Variants in ZNF423 observed in about 807,000 individuals in gnomAD.
ZNF423 encodes zinc finger protein 423.
In ZNF423, 12 loss-of-function variants were observed where a neutral mutation model predicts 95.8. That is an observed-to-expected ratio of 0.13 (90% confidence interval 0.08 to 0.20). The LOEUF is 0.20. Among genes scored for constraint, ZNF423 ranks in the 10% least tolerant of loss-of-function variants. The pLI is 1.00. For synonymous variants in ZNF423, 749 were observed against 711.9 expected (o/e 1.05, Z -0.83); for missense variants, 1,316 against 1,737.1 (o/e 0.76, Z 4.31).
intron 5 of ZNF423, among the ~76,000 whole-genome samples, chr16:49,568,590 G>C (rs1451809857): frequency 6.6e-6 from 1 of 152,084 alleles, no homozygotes; most frequent in Non-Finnish European, 1.5e-5. Context: ...CCCTCTGTCT[G>C]TCTCCCTTCC....
At chr16:49,521,193 T>G (rs544438763) in intron 7 of ZNF423, among the ~76,000 whole-genome samples, 1 of 152,320 alleles carries the variant, frequency 6.6e-6, no homozygotes, top group African/African-American at 2.4e-5. Flanking sequence ...ATGGGAAACC[T>G]TCTCTGGGAA....
At chr16:49,710,580 G>T in intron 3 of ZNF423, among the ~76,000 whole-genome samples, 1 of 152,120 alleles carries the variant, frequency 6.6e-6, no homozygotes, top group South Asian at 2.1e-4. Flanking sequence ...CTCCATCCCC[G>T]GCATCCTGGT....
chr16:49,577,202 G>A (rs887178876), intron 5 of ZNF423, among the ~76,000 whole-genome samples: 3 of 152,214 alleles, frequency 2.0e-5, no homozygotes, highest in African/African-American at 7.2e-5. Context: ...GAATGGGAAA[G>A]AGTTGTAGGA....
chr16:49,829,205 T>A (rs1160630747), intron 1 of ZNF423, among the ~76,000 whole-genome samples: 1 of 152,240 alleles, frequency 6.6e-6, no homozygotes, highest in Non-Finnish European at 1.5e-5. Flanking sequence ...CTCTGTGTTG[T>A]GTAGAATGAC....
intron 1 of ZNF423, among the ~76,000 whole-genome samples, chr16:49,815,908 A>AT (rs1567356461): frequency 4.8e-5 from 2 of 41,272 alleles, no homozygotes; most frequent in African/African-American, 2.0e-4. Flanking sequence ...ATATATATAT[A>AT]TATATATTTT....
intron 5 of ZNF423, among the ~76,000 whole-genome samples, chr16:49,582,035 T>G (rs1237038283): frequency 2.6e-5 from 4 of 152,212 alleles, no homozygotes; most frequent in African/African-American, 4.8e-5. Context: ...AAATATCTGG[T>G]TAGTTGCACC....
chr16:49,846,103 A>C (rs1597060123), intron 1 of ZNF423, among the ~76,000 whole-genome samples: 1 of 151,900 alleles, frequency 6.6e-6, no homozygotes, highest in African/African-American at 2.4e-5. Context: ...GGAGTTCGAG[A>C]CCAGCCTGGC....
Position 49,638,323 on chromosome 16 carries a change from C to T in ZNF423, c.853G>A (p.Glu285Lys), listed in dbSNP as rs1313395769. 5 of 1,614,080 alleles carry T rather than the reference C, an allele frequency of 3.1e-6. No homozygotes were observed. The highest frequency in any genetic ancestry group is 4.2e-6 in the Non-Finnish European group (5 of 1,180,048). ...CGGGTGAGCACGTGCTTCTCCAGCT[C>T]CTCCGTCTGGCTGAAGGTGTCCTCG... ...YCEDTFSQTE[E>K]LEKHVLTRHP... The change falls in exon 4 of 8, where the codon GAG (glutamate) becomes AAG (lysine). Residue 285 changes from glutamate (E) to lysine (K), a missense_variant. Physicochemically the swap from Glu to Lys is moderately conservative, Grantham distance 56 (BLOSUM62 1). This residue lies in a region of ZNF423 where 399 missense variants were observed against 478.5 expected (regional missense o/e 0.83). Transcript: ENST00000563137. The surrounding 1 kb of genome is among the most constrained non-coding windows in gnomAD (Gnocchi z 5.6).
At chr16:49,851,048 A>G (rs557197378) in intron 1 of ZNF423, among the ~76,000 whole-genome samples, 4 of 152,332 alleles carry the variant, frequency 2.6e-5, no homozygotes, top group African/African-American at 9.6e-5. Context: ...TTGGTACCCT[A>G]CAGACCACCT....
intron 1 of ZNF423, among the ~76,000 whole-genome samples, chr16:49,795,748 C>T (rs965141316): frequency 2.0e-5 from 3 of 152,194 alleles, no homozygotes; most frequent in African/African-American, 7.2e-5. Context: ...TGGGATAATC[C>T]CCCCAAGCTG....
intron 1 of ZNF423, among the ~76,000 whole-genome samples, chr16:49,791,803 G>GCCA (rs1209882107): frequency 6.6e-6 from 1 of 151,850 alleles, no homozygotes; most frequent in Non-Finnish European, 1.5e-5. Flanking sequence ...GGAGTTCGAG[G>GCCA]CCAGCTTGGC....
intron 3 of ZNF423, among the ~76,000 whole-genome samples, chr16:49,685,662 C>T (rs188564645): frequency 3.9e-4 from 60 of 152,294 alleles, no homozygotes; most frequent in African/African-American, 1.3e-3. Context: ...GTCCCTAGGA[C>T]GGCTCTCGCA....
intron 5 of ZNF423, among the ~76,000 whole-genome samples, chr16:49,558,950 G>C (rs946337655): frequency 1.3e-5 from 2 of 152,174 alleles, no homozygotes; most frequent in African/African-American, 4.8e-5. Flanking sequence ...TCAGTAAGGG[G>C]GTCTCAGAGG....
chr16:49,666,440 C>G (rs1320877689), intron 3 of ZNF423, among the ~76,000 whole-genome samples: 1 of 152,198 alleles, frequency 6.6e-6, no homozygotes, highest in Non-Finnish European at 1.5e-5. Flanking sequence ...CACATGATCA[C>G]GTATTAAACC....
chr16:49,758,549 C>A (rs1340065254), intron 2 of ZNF423, among the ~76,000 whole-genome samples: 2 of 152,068 alleles, frequency 1.3e-5, no homozygotes, highest in East Asian at 3.9e-4. Context: ...CAAGACCAAC[C>A]TGAACCACAT....
intron 3 of ZNF423, among the ~76,000 whole-genome samples, chr16:49,677,292 A>AGAAGAGAAGAGAAGGGAAGGGAAGG (rs2031125603): frequency 2.5e-5 from 2 of 81,054 alleles, no homozygotes; most frequent in Non-Finnish European, 2.5e-5. Context: ...AGAAGAGAAG[A>AGAAGAGAAGAGAAGGGAAGGGAAGG]GAAGAGAAGA....
intron 3 of ZNF423, among the ~76,000 whole-genome samples, chr16:49,691,544 A>G (rs1396171038): frequency 6.6e-6 from 1 of 152,108 alleles, no homozygotes; most frequent in Non-Finnish European, 1.5e-5. Flanking sequence ...CATCCTGGGT[A>G]ACATGGTGAA....
At chr16:49,796,997 C>G (rs1342793022) in intron 1 of ZNF423, among the ~76,000 whole-genome samples, 1 of 152,146 alleles carries the variant, frequency 6.6e-6, no homozygotes, top group Non-Finnish European at 1.5e-5. Context: ...CCCGTCCCAC[C>G]CTTACAACAT....
intron 5 of ZNF423, among the ~76,000 whole-genome samples, chr16:49,565,775 C>A (rs1970167421): frequency 6.6e-6 from 1 of 152,072 alleles, no homozygotes; most frequent in African/African-American, 2.4e-5. Flanking sequence ...ACAGCCAGTA[C>A]CCTTCAGGCA....
Sources: allele counts gnomAD v4.1 joint callset (sites outside exome capture counted in the v4.1 genomes callset), GRCh38; gene constraint gnomAD v4.1.1; regional missense constraint gnomAD v4.1.1; non-coding constraint Gnocchi (gnomAD v3.1); transcripts MANE v1.5; gene names NCBI Gene and HGNC (gene_info 2026-07-23, HGNC 2026-07-21).